The following C11orf65 variants were observed in gnomAD, a reference collection of about 807,000 sequenced individuals.
The protein encoded by C11orf65 is protein MFI.
C11orf65 carries 38 observed loss-of-function variants against 35.3 expected under a neutral mutation model. That is an observed-to-expected ratio of 1.08 (90% CI 0.83 to 1.41). The LOEUF is 1.41. Ranked by LOEUF, C11orf65 falls within the 40% of genes most tolerant of loss-of-function variation. The pLI, the probability that C11orf65 is intolerant of heterozygous loss-of-function variation, is 0.00. For missense variants in C11orf65, 370 were observed against 367.1 expected, an observed-to-expected ratio of 1.01 and a Z score of -0.06; for synonymous variants, 105 against 114.4, an observed-to-expected ratio of 0.92 and a Z score of 0.53.
At chr11:108,366,939 C>G (rs2091362279) in intron 2 of C11orf65, 1 of 220,580 alleles carries the variant, frequency 4.5e-6, no homozygotes, top group South Asian at 1.8e-4. Context: ...GCAAATTGTT[C>G]CAGGACAGCT....
chr11:108,315,764 C>T (rs2136113954), intron 6 of C11orf65: 1 of 1,385,750 alleles, frequency 7.2e-7, no homozygotes, highest in East Asian at 2.3e-5. Context: ...TTAAAATTTG[C>T]TAAATTTATA....
At chr11:108,434,766 AGT>A (rs1281535690) in intron 2 of C11orf65, among the ~76,000 whole-genome samples, 2 of 152,206 alleles carry the variant, frequency 1.3e-5, no homozygotes, top group Non-Finnish European at 2.9e-5. Context: ...CCATGTGCAC[AGT>A]GTTTCCACAA....
intron 6 of C11orf65, among the ~76,000 whole-genome samples, chr11:108,315,200 TCA>T (rs2084513332): frequency 6.6e-6 from 1 of 152,148 alleles, no homozygotes. Context: ...AAGCAGATAC[TCA>T]CAACACAATA....
chr11:108,413,691 T>C (rs1464418282), intron 3 of C11orf65, among the ~76,000 whole-genome samples: 1 of 152,106 alleles, frequency 6.6e-6, no homozygotes, highest in African/African-American at 2.4e-5. Flanking sequence ...TTAACAAATT[T>C]AAAAGGAATA....
At chr11:108,317,264 T>C in intron 6 of C11orf65, 1 of 1,194,034 alleles carries the variant, frequency 8.4e-7, no homozygotes, top group Non-Finnish European at 1.2e-6. Flanking sequence ...TAAATGATAT[T>C]GTGAACTAAA....
intron 3 of C11orf65, among the ~76,000 whole-genome samples, chr11:108,430,330 A>T (rs1157145839): frequency 2.1e-5 from 3 of 145,278 alleles, no homozygotes; most frequent in African/African-American, 7.6e-5. Flanking sequence ...TAGTAGAGAC[A>T]GGGTTTCGCC....
At chr11:108,437,107 A>C (rs1171827830) in intron 2 of C11orf65, among the ~76,000 whole-genome samples, 2 of 119,228 alleles carry the variant, frequency 1.7e-5, no homozygotes, top group African/African-American at 3.1e-5. Context: ...AAAAAAAAAA[A>C]AAAGGGGGGG....
intron 6 of C11orf65, chr11:108,317,316 G>A (rs2136158966): frequency 6.4e-7 from 1 of 1,550,558 alleles, no homozygotes; most frequent in Non-Finnish European, 8.8e-7. Context: ...TTTTTTCTCT[G>A]GTTTTCTGTT....
intron 2 of C11orf65, among the ~76,000 whole-genome samples, chr11:108,457,286 G>C (rs2093420469): frequency 6.6e-6 from 1 of 152,124 alleles, no homozygotes; most frequent in Non-Finnish European, 1.5e-5. Context: ...GTTAATAAAA[G>C]ATAATTGTAC....
At chr11:108,335,215 C>T in intron 3 of C11orf65, 1 of 1,579,378 alleles carries the variant, frequency 6.3e-7, no homozygotes, top group Non-Finnish European at 8.6e-7. Context: ...ATTTTGAATA[C>T]TTACAAATGA....
chr11:108,443,017 G>C (rs1433268513), intron 2 of C11orf65, among the ~76,000 whole-genome samples: 2 of 152,146 alleles, frequency 1.3e-5, no homozygotes, highest in African/African-American at 2.4e-5. Flanking sequence ...AAAAGACACA[G>C]ACTGGCAAAT....
intron 6 of C11orf65, among the ~76,000 whole-genome samples, chr11:108,322,827 C>T (rs1374200103): frequency 6.6e-6 from 1 of 151,804 alleles, no homozygotes; most frequent in Non-Finnish European, 1.5e-5. Context: ...GCATGTTACA[C>T]TCCATTCGGT....
chr11:108,454,774 A>G (rs1591604530), intron 2 of C11orf65, among the ~76,000 whole-genome samples: 2 of 152,064 alleles, frequency 1.3e-5, no homozygotes, highest in South Asian at 4.2e-4. Context: ...TGTTTTTATT[A>G]GTTAGTCTAG....
At chr11:108,421,696 A>G (rs985658684) in intron 3 of C11orf65, among the ~76,000 whole-genome samples, 2 of 152,012 alleles carry the variant, frequency 1.3e-5, no homozygotes, top group African/African-American at 2.4e-5. Flanking sequence ...ACATAACCAC[A>G]ATTTTTGAGA....
Position 108,361,857 on chromosome 11 carries a change from CTAGGCATTACCATTCAGGACA to C in C11orf65, c.227-26586_227-26566del, listed in dbSNP as rs2090804960. 3.3e-5 allele frequency among the ~76,000 whole-genome samples: 5 copies of C among 151,632 alleles called. No homozygotes were observed. The South Asian group carries it at 1.0e-3, about 32-fold the overall frequency. ...TACCATAAAAACCCTAGAAGAAAAC[CTAGGCATTACCATTCAGGACA>C]TAGGCATGGGCAAGGACTTCATGTC... On this transcript the variant is annotated intron_variant, in intron 2 of 3. Transcript: ENST00000524755.
chr11:108,445,277 C>G (rs949641675), intron 2 of C11orf65, among the ~76,000 whole-genome samples: 1 of 152,188 alleles, frequency 6.6e-6, no homozygotes, highest in Admixed American at 6.5e-5. Context: ...CAGCATGCAG[C>G]TGGAGATCTG....
chr11:108,382,616 A>T (rs2091888680), downstream of C11orf65: 1 of 199,724 alleles, frequency 5.0e-6, no homozygotes, highest in African/African-American at 2.4e-5. Flanking sequence ...AAATGGAGTA[A>T]TGAGAGGATA....
At chr11:108,417,680 C>T (rs1007697063) in intron 3 of C11orf65, among the ~76,000 whole-genome samples, 2 of 151,258 alleles carry the variant, frequency 1.3e-5, no homozygotes, top group African/African-American at 2.4e-5. Flanking sequence ...AGTTGGTGTG[C>T]GCATGTTCTC....
chr11:108,357,927 G>A (rs1049699961), intron 2 of C11orf65, among the ~76,000 whole-genome samples: 14 of 150,798 alleles, frequency 9.3e-5, no homozygotes, highest in South Asian at 2.1e-4. Flanking sequence ...CACCAGCAAC[G>A]GAACAAAGCT....
Sources: allele counts gnomAD v4.1 joint callset (sites outside exome capture counted in the v4.1 genomes callset), GRCh38; gene constraint gnomAD v4.1.1; transcripts MANE v1.5; gene names NCBI Gene and HGNC (gene_info 2026-07-23, HGNC 2026-07-21).